KCNMA1: variants seen among roughly 807,000 people sequenced by gnomAD.
KCNMA1 encodes potassium calcium-activated channel subfamily M alpha 1, also known as Calcium-activated potassium channel subunit alpha-1.
KCNMA1 carries 29 observed loss-of-function variants against 140.0 expected under a neutral mutation model. The observed-to-expected ratio is 0.21, with a 90% CI of 0.15 to 0.28. The LOEUF (loss-of-function observed/expected upper bound fraction) is 0.28, where lower values mean the gene tolerates loss of function less well. Among genes scored for constraint, KCNMA1 ranks in the 10% least tolerant of loss-of-function variants. KCNMA1 has a pLI of 1.00. For missense variants in KCNMA1, 880 were observed against 1,602.2 expected (o/e 0.55, Z 7.70); for synonymous variants, 612 against 611.9 (o/e 1.00, Z 0.00).
chr10:76,998,143 C>A (rs1218805809), intron 19 of KCNMA1, among the ~76,000 whole-genome samples: 2 of 152,120 alleles, frequency 1.3e-5, no homozygotes, highest in African/African-American at 4.8e-5. Flanking sequence ...TGGGCCACAC[C>A]TCCATAGAGG....
intron 1 of KCNMA1, among the ~76,000 whole-genome samples, chr10:77,480,992 C>T (rs976941422): frequency 1.1e-4 from 17 of 150,082 alleles, no homozygotes; most frequent in African/African-American, 3.2e-4. Flanking sequence ...TAGTGGCGGG[C>T]GCCTGTAATC....
intron 14 of KCNMA1, among the ~76,000 whole-genome samples, chr10:77,048,905 C>A (rs536349347): frequency 1.3e-5 from 2 of 152,048 alleles, no homozygotes; most frequent in African/African-American, 4.8e-5. Flanking sequence ...GGACTACAAG[C>A]GCCTGCCACC....
chr10:77,302,667 C>T (rs2076802846), intron 2 of KCNMA1, among the ~76,000 whole-genome samples: 1 of 152,144 alleles, frequency 6.6e-6, no homozygotes, highest in African/African-American at 2.4e-5. Context: ...GAATTGTCTA[C>T]CACCCAAAGT....
intron 1 of KCNMA1, among the ~76,000 whole-genome samples, chr10:77,600,748 AACACACACACACACACACATGC>A (rs1446295493): frequency 6.6e-6 from 1 of 150,408 alleles, no homozygotes; most frequent in East Asian, 2.0e-4. Flanking sequence ...CTCCATCTCA[AACACACACACACACACACATGC>A]ACACACACAT....
At chr10:77,533,807 T>C (rs1405848073) in intron 1 of KCNMA1, among the ~76,000 whole-genome samples, 1 of 152,192 alleles carries the variant, frequency 6.6e-6, no homozygotes, top group East Asian at 1.9e-4. Flanking sequence ...GGATGAACTG[T>C]GGGGAGGCTA....
Position 77,324,774 on chromosome 10 carries a change from G to A in KCNMA1, c.541-73518C>T, listed in dbSNP as rs138099600. Among the ~76,000 whole-genome samples the A allele has an allele frequency of 3.0e-3, 454 of 152,248 alleles. 2 individuals carry two copies. Among genetic ancestry groups the A allele is most frequent in the Non-Finnish European group, 4.8e-3 (324 of 68,024 alleles). On this transcript the variant is annotated intron_variant, in intron 2 of 27. Coordinates refer to ENST00000286628, the MANE Select transcript of KCNMA1 (RefSeq NM_001161352.2). ...TTCATGCTTCTTCTTGCCTACAAGTGGGTTCTGTTGGTAGCTGGAAAGCCA... is the reference window on the plus strand; with the variant it reads ...TTCATGCTTCTTCTTGCCTACAAGTAGGTTCTGTTGGTAGCTGGAAAGCCA...
intron 2 of KCNMA1, among the ~76,000 whole-genome samples, chr10:77,382,976 G>GTATA: frequency 7.2e-5 from 5 of 69,336 alleles, no homozygotes; most frequent in African/African-American, 5.0e-4. Flanking sequence ...GTGTGTGTGT[G>GTATA]TGTGTGTGTG....
rs1186841284 is a variant in KCNMA1 at position 77,570,285 on chromosome 10, C to T, written c.378+66980G>A. Among the ~76,000 whole-genome samples, 25 of 141,548 alleles carry T rather than the reference C, an allele frequency of 1.8e-4. No homozygotes were observed. The East Asian group carries it at 4.1e-3, about 23-fold the overall frequency. 92.9% of individuals were successfully genotyped at this position (141,548 alleles called of 152,430 possible). ...TCATGCTGCTATAAAGACACATGCA[C>T]ACGTATGTTTATTGCGGCATTATTC... On this transcript the variant is annotated intron_variant, in intron 1 of 27. Transcript: ENST00000286628.
Position 76,949,134 on chromosome 10 carries a change from G to C in KCNMA1, c.2709+8C>G. 1 of 1,594,832 alleles carries C rather than the reference G, an allele frequency of 6.3e-7. No individual in the cohort carries two copies. The highest frequency in any genetic ancestry group is 1.1e-5 in the South Asian group (1 of 90,692). On this transcript the variant is annotated splice_region_variant and intron_variant, in intron 22 of 27. Transcript: ENST00000286628. ...GAAAAGGCATCAATAATGTGACCTT[G>C]GACTTACAGGCAATATGGACACTTT... is the stretch of plus-strand genomic sequence containing the variant.
At chr10:77,192,408 C>T (rs1168288978) in intron 3 of KCNMA1, among the ~76,000 whole-genome samples, 2 of 152,070 alleles carry the variant, frequency 1.3e-5, no homozygotes, top group African/African-American at 4.8e-5. Flanking sequence ...CACGATAGAC[C>T]TAGATAGGTA....
chr10:77,307,387 A>G (rs2078046057), intron 2 of KCNMA1, among the ~76,000 whole-genome samples: 1 of 152,254 alleles, frequency 6.6e-6, no homozygotes, highest in Admixed American at 6.5e-5. Flanking sequence ...CTGTACTTCA[A>G]GTACCCATAC....
intron 3 of KCNMA1, among the ~76,000 whole-genome samples, chr10:77,242,105 G>A (rs556824833): frequency 2.0e-5 from 3 of 152,184 alleles, no homozygotes; most frequent in Non-Finnish European, 4.4e-5. Context: ...TGGCAAGTTC[G>A]TAACAAGACC....
chr10:77,332,483 T>C (rs941980812), intron 2 of KCNMA1, among the ~76,000 whole-genome samples: 1 of 152,188 alleles, frequency 6.6e-6, no homozygotes, highest in South Asian at 2.1e-4. Flanking sequence ...GGATCATTGA[T>C]GATCTGTTGT....
chr10:77,243,276 A>G (rs750908395), intron 3 of KCNMA1, among the ~76,000 whole-genome samples: 13 of 152,336 alleles, frequency 8.5e-5, no homozygotes, highest in Middle Eastern at 3.4e-3. Context: ...GTTCTGAGCT[A>G]TAACATTTCG....
intron 6 of KCNMA1, among the ~76,000 whole-genome samples, chr10:77,119,497 C>T (rs767811623): frequency 3.3e-5 from 5 of 152,094 alleles, no homozygotes; most frequent in Non-Finnish European, 4.4e-5. Flanking sequence ...GGTACTCACG[C>T]GTTCCATCTT....
intron 5 of KCNMA1, among the ~76,000 whole-genome samples, chr10:77,135,765 C>T (rs60254909): frequency 6.6e-6 from 1 of 152,072 alleles, no homozygotes; most frequent in African/African-American, 2.4e-5. Context: ...TGATCTCACT[C>T]ATATAAAACA....
At chr10:77,045,685 G>T (rs141914521) in intron 14 of KCNMA1, among the ~76,000 whole-genome samples, 75 of 152,270 alleles carry the variant, frequency 4.9e-4, no homozygotes, top group African/African-American at 1.8e-3. Flanking sequence ...ATGGTGGGTT[G>T]GTAATGATGC....
At chr10:76,889,952 C>A (rs1306474754) in intron 26 of KCNMA1, among the ~76,000 whole-genome samples, 1 of 152,118 alleles carries the variant, frequency 6.6e-6, no homozygotes, top group East Asian at 1.9e-4. Flanking sequence ...ATGTTCAGTC[C>A]CAGCTCAGCT....
At chr10:76,881,957 T>A (rs2034846943), downstream of KCNMA1, among the ~76,000 whole-genome samples, 1 of 152,144 alleles carries the variant, frequency 6.6e-6, no homozygotes, top group Non-Finnish European at 1.5e-5. Flanking sequence ...AGGCATCCTA[T>A]CCCATCTGAG....
Sources: gnomAD v4.1 joint callset for allele counts (sites outside exome capture counted in the v4.1 genomes callset) on GRCh38, gnomAD v4.1.1 for gene constraint, MANE v1.5 for transcripts, NCBI Gene and HGNC (gene_info 2026-07-23, HGNC 2026-07-21) for gene names.